TTC12: variants seen among roughly 807,000 people sequenced by gnomAD.
TTC12 encodes the protein tetratricopeptide repeat domain 12.
Under a neutral mutation model 90.1 loss-of-function variants are expected in TTC12, and 70 were observed. The ratio of observed to expected loss-of-function variants is 0.78; its 90% confidence interval spans 0.64 to 0.95. The LOEUF (loss-of-function observed/expected upper bound fraction) is 0.95, where lower values mean the gene tolerates loss of function less well. Among genes scored for constraint, TTC12 ranks in the 40% least tolerant of loss-of-function variants. The pLI is 0.00. For missense variants in TTC12, 819 were observed against 846.1 expected, an observed-to-expected ratio of 0.97 and a Z score of 0.40; for synonymous variants, 296 against 311.5, an observed-to-expected ratio of 0.95 and a Z score of 0.53.
intron 7 of TTC12, among the ~76,000 whole-genome samples, chr11:113,331,522 C>A (rs1408520836): frequency 1.3e-5 from 2 of 152,166 alleles, no homozygotes; most frequent in Non-Finnish European, 2.9e-5. Flanking sequence ...TAACTCTAAG[C>A]CCTTGCTCTT....
intron 18 of TTC12, among the ~76,000 whole-genome samples, chr11:113,360,542 A>C (rs1555154520): frequency 6.6e-6 from 1 of 152,250 alleles, no homozygotes; most frequent in Non-Finnish European, 1.5e-5. Flanking sequence ...TGAATAAGAA[A>C]ACTGAGAAAG....
At chr11:113,360,339 A>G (rs1442831191) in intron 18 of TTC12, among the ~76,000 whole-genome samples, 1 of 151,912 alleles carries the variant, frequency 6.6e-6, no homozygotes, top group East Asian at 1.9e-4. Flanking sequence ...GATCTGTCCT[A>G]TTTCAAAATA....
downstream of TTC12, chr11:113,368,428 C>G (rs907677742): frequency 6.3e-5 from 98 of 1,550,374 alleles, 1 homozygote; most frequent in Middle Eastern, 1.0e-3. Context: ...TTGCCAGGAG[C>G]CCCGACACCA....
rs1030690090 is a variant in TTC12, at chr11:113,362,481, G to T, written c.1695G>T (p.Lys565Asn). 7 of 1,611,986 alleles carry T rather than the reference G, an allele frequency of 4.3e-6. No individual in the cohort carries two copies. The African/African-American group carries it at 8.0e-5, about 18-fold the overall frequency. Residue 565 changes from lysine to asparagine, a missense_variant, in exon 19 of 22, where the codon AAG becomes AAT. Physicochemically the swap from Lys to Asn is moderately conservative, Grantham distance 94. Transcript: ENST00000529221. ...VEEALRAGVV[K>N]KMMKFLKTGG... ...AGGCCTTGCGAGCAGGAGTGGTAAA[G>T]AAAATGATGAAATTCCTGAAGGTAA...
At chr11:113,321,034 AAAG>A (rs1947293768) in intron 2 of TTC12, among the ~76,000 whole-genome samples, 2 of 152,232 alleles carry the variant, frequency 1.3e-5, no homozygotes, top group South Asian at 4.1e-4. Flanking sequence ...ATTTTTTAAA[AAAG>A]AAATTATATT....
rs140041047 is a variant in TTC12, at chr11:113,325,202, A to T, written c.323-322A>T. 7.0e-3 allele frequency among the ~76,000 whole-genome samples: 1,064 copies of T among 152,158 alleles called. 14 individuals carry two copies. Among genetic ancestry groups the T allele is most frequent in the African/African-American group, 0.025 (1,017 of 41,508 alleles). On this transcript the variant is annotated intron_variant, in intron 5 of 21. Coordinates refer to ENST00000529221, the MANE Select transcript of TTC12 (RefSeq NM_017868.4). ...TGAATGATTCCATATTTGTTGGGAAAATTAATTATTTGACCCTCTTTATGA... is the reference window on the plus strand; with the variant it reads ...TGAATGATTCCATATTTGTTGGGAATATTAATTATTTGACCCTCTTTATGA...
Position 113,325,624 on chromosome 11 carries a change from G to A in TTC12, c.423G>A (p.Val141=). 2 of 1,613,946 alleles carry A rather than the reference G, an allele frequency of 1.2e-6. No homozygotes were observed. Among genetic ancestry groups the A allele is most frequent in the Non-Finnish European group, 1.7e-6 (2 of 1,179,826 alleles). ...TGGAGAAGCTGAAGGACATGAAAGT[G>A]CTGTACACCAACCGAGCCCAGGTCA... The part of the protein sequence containing the change: ...EGLEKLKDMK[V]LYTNRAQAYM... Residue 141 remains valine, a synonymous_variant, in exon 6 of 22, where the codon GTG becomes GTA. Coordinates refer to ENST00000529221, the MANE Select transcript of TTC12 (RefSeq NM_017868.4).
Position 113,333,807 on chromosome 11 carries a change from A to T in TTC12, c.505-1159A>T, listed in dbSNP as rs145323826. 9.8e-3 allele frequency among the ~76,000 whole-genome samples: 1,496 copies of T among 152,206 alleles called. 26 individuals are homozygous for T. The highest frequency in any genetic ancestry group is 0.034 in the African/African-American group (1,428 of 41,526). On this transcript the variant is annotated intron_variant, in intron 7 of 21. Coordinates refer to ENST00000529221, the MANE Select transcript of TTC12 (RefSeq NM_017868.4). ...ATCTCTAAAAGCTTCTCCAACAATT[A>T]TTGTTCTCTCTTTTATTATTGTTGT...
At chr11:113,318,289 G>A (rs374418330) in intron 2 of TTC12, among the ~76,000 whole-genome samples, 19 of 152,284 alleles carry the variant, frequency 1.2e-4, no homozygotes, top group East Asian at 9.7e-4. Flanking sequence ...TGTATTAGTC[G>A]GCTAGGGCTG....
intron 14 of TTC12, among the ~76,000 whole-genome samples, chr11:113,350,742 G>A (rs1440643971): frequency 6.6e-6 from 1 of 152,160 alleles, no homozygotes; most frequent in Non-Finnish European, 1.5e-5. Context: ...ACAAATTTTA[G>A]GACACCTTGC....
chr11:113,337,660 A>G (rs12282356), intron 8 of TTC12, among the ~76,000 whole-genome samples: 92,105 of 151,920 alleles, frequency 0.61, 28,143 homozygotes, highest in Middle Eastern at 0.64. Flanking sequence ...AGCTTTATTG[A>G]AGGATTTTGA....
chr11:113,331,625 C>T (rs1948070971), intron 7 of TTC12, among the ~76,000 whole-genome samples: 1 of 152,230 alleles, frequency 6.6e-6, no homozygotes, highest in Admixed American at 6.5e-5. Flanking sequence ...ACACGATCTC[C>T]TCACAGGTTC....
At chr11:113,351,558 C>T (rs1399468341) in intron 15 of TTC12, among the ~76,000 whole-genome samples, 5 of 152,128 alleles carry the variant, frequency 3.3e-5, no homozygotes, top group Non-Finnish European at 5.9e-5. Context: ...GGATAGAGTT[C>T]GTCAGTCTCC....
downstream of TTC12, chr11:113,368,261 G>T (rs1950277423): frequency 6.6e-7 from 1 of 1,526,708 alleles, no homozygotes; most frequent in Non-Finnish European, 8.8e-7. Context: ...CCTCGCAGGT[G>T]GGAAGAGATG....
chr11:113,314,606 C>T lies in TTC12; in HGVS notation c.-28C>T, dbSNP rs1291464543. ...TCACTGCGCCATTTCCTGTCCAAAG[C>T]TGGGCGAATCAGGTCGGTGCCGCGG... On this transcript the variant is annotated 5_prime_UTR_variant, in exon 1 of 22. Transcript: ENST00000529221. 1.3e-5 allele frequency: 2 copies of T among 152,942 alleles called. No individual in the cohort carries two copies. The highest frequency in any genetic ancestry group is 2.4e-5 in the African/African-American group (1 of 41,476). The allele number at this position is 152,942 out of a possible 1,614,324, so 9.5% of individuals were successfully genotyped here.
chr11:113,352,152 C>A lies in TTC12; in HGVS notation c.1391C>A (p.Thr464Asn). 1.2e-6 allele frequency: 2 copies of A among 1,614,230 alleles called. No homozygotes were observed. The highest frequency in any genetic ancestry group is 1.7e-6 in the Non-Finnish European group (2 of 1,180,038). The change falls in exon 16 of 22, where the codon ACC becomes AAC. Residue 464 changes from threonine (T) to asparagine (N), a missense_variant. Coordinates refer to ENST00000529221, the MANE Select transcript of TTC12 (RefSeq NM_017868.4). ...GGAAACCTCAGTGCTGAGCCCACTACCCGAAGACACATGGCGGCCTGTGAG... is the reference window on the plus strand; with the variant it reads ...GGAAACCTCAGTGCTGAGCCCACTAACCGAAGACACATGGCGGCCTGTGAG... Reference protein sequence around the residue: ...IMGNLSAEPTTRRHMAACEEF... With the variant: ...IMGNLSAEPTNRRHMAACEEF...
intron 2 of TTC12, among the ~76,000 whole-genome samples, chr11:113,316,889 C>G (rs76264742): frequency 2.7e-4 from 41 of 152,360 alleles, no homozygotes; most frequent in Non-Finnish European, 3.2e-4. Flanking sequence ...CCAAACCTGT[C>G]AGTCCCTGTT....
intron 7 of TTC12, among the ~76,000 whole-genome samples, chr11:113,330,682 C>T (rs1417729982): frequency 1.3e-5 from 2 of 152,228 alleles, no homozygotes; most frequent in African/African-American, 4.8e-5. Flanking sequence ...ACTAGTGCTT[C>T]TCAGACTTCT....
At position 113,335,038 on chromosome 11, in the gene TTC12, G is replaced by A. The variant is rs1948286038; in HGVS notation, c.576+1G>A. 1 of 1,609,030 alleles carries A rather than the reference G, an allele frequency of 6.2e-7. No individual in the cohort carries two copies. Among genetic ancestry groups the A allele is most frequent in the African/African-American group, 1.3e-5 (1 of 74,808 alleles). On this transcript the variant is annotated splice_donor_variant, in intron 8 of 21. Coordinates refer to ENST00000529221, the MANE Select transcript of TTC12 (RefSeq NM_017868.4). LOFTEE classifies it high-confidence loss of function. Reference sequence around the variant, plus strand: ...CCTGGCCCTGAAGAACTACAGTGTGGTAAGTTCTTAGAGGAATGTAATTGA... The same window carrying A: ...CCTGGCCCTGAAGAACTACAGTGTGATAAGTTCTTAGAGGAATGTAATTGA...
Sources: allele counts gnomAD v4.1 joint callset (sites outside exome capture counted in the v4.1 genomes callset), GRCh38; gene constraint gnomAD v4.1.1; transcripts MANE v1.5; gene names NCBI Gene and HGNC (gene_info 2026-07-23, HGNC 2026-07-21).